The following ATG10 variants were observed in gnomAD, a reference collection of about 807,000 sequenced individuals.
The protein encoded by ATG10 is ubiquitin-like-conjugating enzyme ATG10.
Under a neutral mutation model 32.1 loss-of-function variants are expected in ATG10, and 30 were observed. The ratio of observed to expected loss-of-function variants is 0.94; its 90% CI spans 0.70 to 1.27. The LOEUF is 1.27. Ranked by LOEUF, ATG10 falls within the 50% of genes most tolerant of loss-of-function variation. ATG10 has a pLI of 0.00. For missense variants in ATG10, 233 were observed against 262.3 expected, an observed-to-expected ratio of 0.89 and a Z score of 0.77; for synonymous variants, 87 against 91.5, an observed-to-expected ratio of 0.95 and a Z score of 0.28.
chr5:82,124,868 T>C (rs1456636600), intron 3 of ATG10, among the ~76,000 whole-genome samples: 2 of 152,184 alleles, frequency 1.3e-5, no homozygotes, highest in African/African-American at 4.8e-5. Context: ...ATTGCCACAC[T>C]GTCTTCCACA....
At chr5:82,143,194 G>A (rs1457530978) in intron 3 of ATG10, among the ~76,000 whole-genome samples, 1 of 152,250 alleles carries the variant, frequency 6.6e-6, no homozygotes, top group East Asian at 1.9e-4. Context: ...AGTCATTAGA[G>A]CTACTAGAAC....
intron 3 of ATG10, among the ~76,000 whole-genome samples, chr5:82,123,161 A>G (rs888392941): frequency 6.6e-6 from 1 of 152,266 alleles, no homozygotes; most frequent in Non-Finnish European, 1.5e-5. Context: ...CATATACACC[A>G]TAGAATACTA....
At chr5:82,183,877 A>G (rs1416385618) in intron 5 of ATG10, among the ~76,000 whole-genome samples, 1 of 152,142 alleles carries the variant, frequency 6.6e-6, no homozygotes, top group Non-Finnish European at 1.5e-5. Flanking sequence ...AATGTTTTGT[A>G]TGTGTCCGTT....
intron 5 of ATG10, among the ~76,000 whole-genome samples, chr5:82,179,307 G>A (rs1220505524): frequency 6.6e-6 from 1 of 152,006 alleles, no homozygotes; most frequent in Non-Finnish European, 1.5e-5. Context: ...TGTACATGCA[G>A]CACCAAAACA....
intron 3 of ATG10, among the ~76,000 whole-genome samples, chr5:82,093,620 A>AT (rs1764960708): frequency 6.6e-6 from 1 of 152,054 alleles, no homozygotes; most frequent in Non-Finnish European, 1.5e-5. Flanking sequence ...CAATTGATTA[A>AT]TTTTTATCTT....
At chr5:82,211,802 A>T (rs1412728292) in intron 5 of ATG10, among the ~76,000 whole-genome samples, 1 of 152,138 alleles carries the variant, frequency 6.6e-6, no homozygotes, top group African/African-American at 2.4e-5. Context: ...TCATCCATTA[A>T]TGCCTCTGCT....
intron 2 of ATG10, among the ~76,000 whole-genome samples, chr5:82,026,709 A>G (rs1762603712): frequency 6.6e-6 from 1 of 152,210 alleles, no homozygotes; most frequent in African/African-American, 2.4e-5. Context: ...AAAATCATGT[A>G]ATAATTCAAT....
At chr5:82,007,026 G>T (rs1007391827) in intron 2 of ATG10, among the ~76,000 whole-genome samples, 2 of 151,950 alleles carry the variant, frequency 1.3e-5, no homozygotes, top group African/African-American at 4.8e-5. Context: ...GCTAATTTTT[G>T]TATTTTTAGT....
At chr5:82,241,891 G>C (rs1488277568) in intron 5 of ATG10, among the ~76,000 whole-genome samples, 2 of 151,876 alleles carry the variant, frequency 1.3e-5, no homozygotes, top group Non-Finnish European at 2.9e-5. Context: ...TTACCCTCAG[G>C]TCATGGAATT....
chr5:81,996,088 T>A (rs1761655647), intron 2 of ATG10, among the ~76,000 whole-genome samples: 1 of 152,242 alleles, frequency 6.6e-6, no homozygotes. Flanking sequence ...TAGTTTAATT[T>A]ACTTCACTAC....
At chr5:82,159,388 T>C (rs1259187821) in intron 3 of ATG10, among the ~76,000 whole-genome samples, 1 of 152,144 alleles carries the variant, frequency 6.6e-6, no homozygotes, top group Non-Finnish European at 1.5e-5. Flanking sequence ...AAACTCTGGA[T>C]AAGTGGGAGC....
intron 3 of ATG10, among the ~76,000 whole-genome samples, chr5:82,129,104 A>G (rs112132562): frequency 0.084 from 12,665 of 151,294 alleles, 814 homozygotes; most frequent in African/African-American, 0.18. Flanking sequence ...TTGATCTTCA[A>G]TCTCTGATAT....
At chr5:82,207,814 T>G (rs1416474927) in intron 5 of ATG10, among the ~76,000 whole-genome samples, 1 of 152,206 alleles carries the variant, frequency 6.6e-6, no homozygotes, top group Admixed American at 6.5e-5. Flanking sequence ...CACATGTGAC[T>G]GCTGAGCCCT....
At chr5:82,235,487 G>GT (rs1186621056) in intron 5 of ATG10, among the ~76,000 whole-genome samples, 2 of 152,092 alleles carry the variant, frequency 1.3e-5, no homozygotes, top group East Asian at 3.9e-4. Context: ...TTTGGACTAG[G>GT]TTTTTTATTC....
chr5:82,123,540 A>G (rs1259671791), intron 3 of ATG10, among the ~76,000 whole-genome samples: 1 of 151,286 alleles, frequency 6.6e-6, no homozygotes, highest in Non-Finnish European at 1.5e-5. Context: ...AAAAAAAAGC[A>G]TAATTAGATG....
intron 5 of ATG10, among the ~76,000 whole-genome samples, chr5:82,236,925 A>T (rs1254851933): frequency 2.0e-4 from 31 of 151,904 alleles, no homozygotes; most frequent in Admixed American, 2.0e-3. Flanking sequence ...ACATTTTCTC[A>T]CATTTTTTTC....
At chr5:81,984,319 C>T (rs1476206479) in intron 1 of ATG10, among the ~76,000 whole-genome samples, 4 of 152,376 alleles carry the variant, frequency 2.6e-5, no homozygotes, top group African/African-American at 7.2e-5. Flanking sequence ...CGCAGGCACT[C>T]CGCAGGCTGA....
At chr5:82,094,129 C>A (rs1354137618) in intron 3 of ATG10, among the ~76,000 whole-genome samples, 1 of 152,152 alleles carries the variant, frequency 6.6e-6, no homozygotes, top group Non-Finnish European at 1.5e-5. Context: ...ATGGACTTTG[C>A]CTCGGTTATA....
At chr5:82,067,091 T>C (rs541590557) in intron 3 of ATG10, among the ~76,000 whole-genome samples, 1 of 152,194 alleles carries the variant, frequency 6.6e-6, no homozygotes, top group Non-Finnish European at 1.5e-5. Context: ...GATAAATGGA[T>C]TTTTAAAGGA....
Sources: gnomAD v4.1 joint callset for allele counts (sites outside exome capture counted in the v4.1 genomes callset) on GRCh38, gnomAD v4.1.1 for gene constraint, MANE v1.5 for transcripts, NCBI Gene and HGNC (gene_info 2026-07-23, HGNC 2026-07-21) for gene names.